Variants in KSR2 observed in about 807,000 individuals in gnomAD.
The protein encoded by KSR2 is kinase suppressor of ras 2.
KSR2 carries 25 observed loss-of-function variants against 107.8 expected under a neutral mutation model. That is an observed-to-expected ratio of 0.23 (90% CI 0.17 to 0.32). The LOEUF is 0.32. Among genes scored for constraint, KSR2 ranks in the 10% least tolerant of loss-of-function variants. KSR2 has a pLI of 1.00. For synonymous variants in KSR2, 480 were observed against 507.0 expected (o/e 0.95, Z 0.71); for missense variants, 887 against 1,268.9 (o/e 0.70, Z 4.57).
chr12:117,787,828 C>T (rs942906341), intron 3 of KSR2, among the ~76,000 whole-genome samples: 3 of 152,262 alleles, frequency 2.0e-5, no homozygotes, highest in Admixed American at 1.3e-4. Context: ...GGATGAACTG[C>T]CATCTGTCTC....
chr12:117,958,536 G>A (rs1359050638), intron 1 of KSR2, among the ~76,000 whole-genome samples: 1 of 152,078 alleles, frequency 6.6e-6, no homozygotes, highest in Non-Finnish European at 1.5e-5. Context: ...AAGAAATGAT[G>A]GGGGCCGGGC....
At chr12:117,537,848 C>T (rs1280958761) in intron 10 of KSR2, among the ~76,000 whole-genome samples, 1 of 152,164 alleles carries the variant, frequency 6.6e-6, no homozygotes, top group Non-Finnish European at 1.5e-5. Flanking sequence ...AAGGGACACC[C>T]TGATTACTCC....
chr12:117,847,561 T>A (rs1422840812), intron 3 of KSR2, among the ~76,000 whole-genome samples: 1 of 152,242 alleles, frequency 6.6e-6, no homozygotes, highest in African/African-American at 2.4e-5. Flanking sequence ...ATCTGTCACC[T>A]GCTCTAAGCC....
At chr12:117,876,178 G>C (rs908868645) in intron 1 of KSR2, among the ~76,000 whole-genome samples, 13 of 152,208 alleles carry the variant, frequency 8.5e-5, no homozygotes, top group African/African-American at 3.1e-4. Flanking sequence ...TCCCGCCGTT[G>C]CCAGGGCGAC....
At chr12:117,853,940 G>T (rs1186043060) in intron 3 of KSR2, among the ~76,000 whole-genome samples, 5 of 152,118 alleles carry the variant, frequency 3.3e-5, no homozygotes, top group African/African-American at 1.2e-4. Flanking sequence ...ATGGGCAGAG[G>T]TCAAGGATGC....
At chr12:117,769,030 C>G (rs951309454) in intron 3 of KSR2, among the ~76,000 whole-genome samples, 1 of 152,202 alleles carries the variant, frequency 6.6e-6, no homozygotes, top group African/African-American at 2.4e-5. Flanking sequence ...AAATTGGGCA[C>G]AGATGAGGTG....
At chr12:117,952,056 A>C (rs544970107) in intron 1 of KSR2, among the ~76,000 whole-genome samples, 1 of 152,250 alleles carries the variant, frequency 6.6e-6, no homozygotes, top group South Asian at 2.1e-4. Context: ...TTATGAGATG[A>C]ATAAATTCTG....
At chr12:117,735,440 AG>A (rs1283588964) in intron 4 of KSR2, among the ~76,000 whole-genome samples, 2 of 152,214 alleles carry the variant, frequency 1.3e-5, no homozygotes, top group Admixed American at 1.3e-4. Context: ...AAAGATAAAA[AG>A]AAACCATAAA....
intron 1 of KSR2, among the ~76,000 whole-genome samples, chr12:117,963,430 T>A (rs906915458): frequency 6.6e-6 from 1 of 151,970 alleles, no homozygotes; most frequent in African/African-American, 2.4e-5. Flanking sequence ...CAATACCTTG[T>A]CTCTATTTAA....
intron 3 of KSR2, among the ~76,000 whole-genome samples, chr12:117,833,686 C>T (rs533062587): frequency 1.3e-5 from 2 of 152,224 alleles, no homozygotes; most frequent in South Asian, 4.2e-4. Context: ...CATTTTAAAT[C>T]CTCTTTTTCC....
chr12:117,869,706 T>C (rs1332064083), intron 1 of KSR2, among the ~76,000 whole-genome samples: 4 of 152,220 alleles, frequency 2.6e-5, no homozygotes, highest in Non-Finnish European at 5.9e-5. Flanking sequence ...CTCGTTCTTT[T>C]TAATCTTCTG....
intron 3 of KSR2, among the ~76,000 whole-genome samples, chr12:117,782,152 A>G (rs1335996300): frequency 6.6e-6 from 1 of 152,198 alleles, no homozygotes; most frequent in African/African-American, 2.4e-5. Context: ...GAGATGCTAG[A>G]AGCCTTGGTC....
intron 4 of KSR2, among the ~76,000 whole-genome samples, chr12:117,708,877 C>T (rs1813295402): frequency 6.6e-6 from 1 of 152,194 alleles, no homozygotes; most frequent in Admixed American, 6.5e-5. Flanking sequence ...CGGCTTAAAA[C>T]CACACATATT....
chr12:117,486,303 C>T (rs1037316981), intron 14 of KSR2, among the ~76,000 whole-genome samples: 1 of 152,092 alleles, frequency 6.6e-6, no homozygotes, highest in African/African-American at 2.4e-5. Context: ...AGATGAATGA[C>T]AGGATGAAAA....
intron 1 of KSR2, among the ~76,000 whole-genome samples, chr12:117,935,708 C>T (rs1200553681): frequency 6.6e-6 from 1 of 152,088 alleles, no homozygotes; most frequent in Non-Finnish European, 1.5e-5. Context: ...TGCAGTGAGC[C>T]AAGATTGCGC....
intron 4 of KSR2, among the ~76,000 whole-genome samples, chr12:117,682,186 CAT>C (rs1392743830): frequency 1.3e-5 from 2 of 152,048 alleles, no homozygotes; most frequent in African/African-American, 2.4e-5. Context: ...CCAAACACCA[CAT>C]GTTATCACTT....
chr12:117,552,880 A>G (rs1877400214), intron 9 of KSR2, among the ~76,000 whole-genome samples: 1 of 152,222 alleles, frequency 6.6e-6, no homozygotes, highest in Admixed American at 6.5e-5. Context: ...CCTGTTTTAG[A>G]TGACTCCAGC....
intron 5 of KSR2, among the ~76,000 whole-genome samples, chr12:117,653,747 C>T (rs758238599): frequency 9.2e-5 from 14 of 152,188 alleles, no homozygotes; most frequent in Non-Finnish European, 1.8e-4. Flanking sequence ...CAACGCCTAG[C>T]GGGCCTATTT....
rs1469269878 is a variant in KSR2, at chr12:117,848,800, AACAACAGTGATG to A, written c.472+6616_472+6627del. On this transcript the variant is annotated intron_variant, in intron 3 of 19. Transcript: ENST00000339824. Reference sequence around the variant, plus strand: ...GATGGTGGTGGGTGGTGATGGTGGTAACAACAGTGATGGTGGTGGGTGGTGATGGTGGTAGTG... The same window carrying A: ...GATGGTGGTGGGTGGTGATGGTGGTAGTGGTGGGTGGTGATGGTGGTAGTG... Among the ~76,000 whole-genome samples the A allele has an allele frequency of 2.0e-5, 3 of 150,680 alleles. No homozygotes were observed. The South Asian group carries it at 6.3e-4, about 32-fold the overall frequency.
Sources: allele counts gnomAD v4.1 joint callset (sites outside exome capture counted in the v4.1 genomes callset), GRCh38; gene constraint gnomAD v4.1.1; transcripts MANE v1.5; gene names NCBI Gene and HGNC (gene_info 2026-07-23, HGNC 2026-07-21).